The following ZNF337 variants were observed in gnomAD, a reference collection of about 807,000 sequenced individuals.
The protein encoded by ZNF337 is zinc finger protein 337.
A neutral mutation model predicts 12.1 loss-of-function variants in ZNF337; 8 were observed. The ratio of observed to expected loss-of-function variants is 0.66; its 90% CI spans 0.39 to 1.19. ZNF337 has a LOEUF of 1.19. Among genes scored for constraint, ZNF337 ranks in the 50% most tolerant of loss-of-function variants. The pLI, the probability that ZNF337 is intolerant of heterozygous loss-of-function variation, is 0.01. For synonymous variants in ZNF337, 336 were observed against 320.0 expected, an observed-to-expected ratio of 1.05 and a Z score of -0.53; for missense variants, 882 against 896.6, an observed-to-expected ratio of 0.98 and a Z score of 0.21.
Position 25,686,445 on chromosome 20 carries a change from G to A in ZNF337, c.-28C>T, listed in dbSNP as rs2065834477. ...CTGTCTTCCTGCTCTCCACGGAGAAGGGAAGCTTGCAGATGGCCAATCTGT... is the reference window on the plus strand; with the variant it reads ...CTGTCTTCCTGCTCTCCACGGAGAAAGGAAGCTTGCAGATGGCCAATCTGT... On this transcript the variant is annotated 5_prime_UTR_variant, in exon 2 of 5. Coordinates refer to ENST00000252979, the MANE Select transcript of ZNF337 (RefSeq NM_015655.4). 6.2e-7 allele frequency: 1 copy of A among 1,613,606 alleles called. No individual in the cohort carries two copies. The highest frequency in any genetic ancestry group is 1.3e-5 in the African/African-American group (1 of 75,052).
intron 4 of ZNF337, among the ~76,000 whole-genome samples, chr20:25,678,452 C>G (rs2122370458): frequency 6.6e-6 from 1 of 152,256 alleles, no homozygotes; most frequent in Non-Finnish European, 1.5e-5. Context: ...AAGCAATCTA[C>G]AGATTCACTG....
chr20:25,673,227 GCA>G lies in ZNF337; in HGVS notation c.*1803_*1804del, dbSNP rs2065637108. Among the ~76,000 whole-genome samples the G allele has an allele frequency of 6.6e-6, 1 of 152,178 alleles. No homozygotes were observed. Among genetic ancestry groups the G allele is most frequent in the Admixed American group, 6.5e-5 (1 of 15,282 alleles). On this transcript the variant is annotated 3_prime_UTR_variant, in exon 5 of 5. Transcript: ENST00000252979. Reference sequence around the variant, plus strand: ...TAAATGTGTTTAATATGGAAGAGGAGCACAGAATTCTGGTGAACCCACAATGT... The same window carrying G: ...TAAATGTGTTTAATATGGAAGAGGAGCAGAATTCTGGTGAACCCACAATGT...
chr20:25,696,804 G>A lies in ZNF337; in HGVS notation c.-95C>T. 1 of 985,536 alleles carries A rather than the reference G, an allele frequency of 1.0e-6. No individual in the cohort carries two copies. The highest frequency in any genetic ancestry group is 1.2e-6 in the Non-Finnish European group (1 of 829,990). The allele number at this position is 985,536 out of a possible 1,614,324, so 61.0% of individuals were successfully genotyped here. On this transcript the variant is annotated 5_prime_UTR_variant, in exon 1 of 5. Coordinates refer to ENST00000252979, the MANE Select transcript of ZNF337 (RefSeq NM_015655.4). ...CGAGGCGGTGAGGTCACCGATGGTG[G>A]ACCACGCATCTCACGGCTCGCTGAC...
At chr20:25,684,977 G>C (rs567429001) in intron 4 of ZNF337, among the ~76,000 whole-genome samples, 184 of 151,992 alleles carry the variant, frequency 1.2e-3, no homozygotes, top group Admixed American at 3.5e-3. Context: ...GGCATGTTGG[G>C]GGGTAGGGGG....
chr20:25,683,980 T>A (rs1026412470), intron 4 of ZNF337, among the ~76,000 whole-genome samples: 2 of 151,812 alleles, frequency 1.3e-5, no homozygotes, highest in African/African-American at 4.8e-5. Context: ...TAGACTGGAT[T>A]AAGAAAATGT....
At chr20:25,687,497 G>A (rs1012175572) in intron 1 of ZNF337, among the ~76,000 whole-genome samples, 3 of 152,160 alleles carry the variant, frequency 2.0e-5, no homozygotes, top group African/African-American at 7.2e-5. Context: ...AAGGAACAAA[G>A]ATGCTATCAT....
Position 25,676,044 on chromosome 20 carries a change from T to C in ZNF337, c.1244A>G (p.Gln415Arg), listed in dbSNP as rs759061959. 3 of 1,613,950 alleles carry C rather than the reference T, an allele frequency of 1.9e-6. No individual in the cohort carries two copies. Among genetic ancestry groups the C allele is most frequent in the East Asian group, 2.2e-5 (1 of 44,834 alleles). Residue 415 changes from glutamine to arginine, a missense_variant, in exon 5 of 5, where the codon CAA (glutamine) becomes CGA (arginine). Physicochemically the swap from Gln to Arg is conservative, Grantham distance 43. Coordinates refer to ENST00000252979, the MANE Select transcript of ZNF337 (RefSeq NM_015655.4). The part of the protein sequence containing the change: ...VCKDCERSFS[Q>R]KSTLVYHQRT... ...CTGGTGGTAGACAAGAGTTGACTTT[T>C]GGCTAAAGCTTCGCTCACAATCCTT...
At chr20:25,682,935 CGAG>C (rs2065784819) in intron 4 of ZNF337, among the ~76,000 whole-genome samples, 1 of 152,056 alleles carries the variant, frequency 6.6e-6, no homozygotes, top group South Asian at 2.1e-4. Flanking sequence ...TCCAAGTACT[CGAG>C]GAGAACTGCA....
In ZNF337 at chr20:25,688,379, A is replaced by T. The variant is rs190722820; in HGVS notation, c.-49-1913T>A. Among the ~76,000 whole-genome samples the T allele has an allele frequency of 3.5e-3, 531 of 151,836 alleles. 3 individuals carry two copies. The highest frequency in any genetic ancestry group is 0.012 in the African/African-American group (490 of 41,412). On this transcript the variant is annotated intron_variant, in intron 1 of 4. Transcript: ENST00000252979. The stretch of plus-strand genomic sequence containing the variant: ...TACTCACATCTTCTGTGAATAAAAA[A>T]TTTTTTTTTCTGTTTCAACGTTTAT...
intron 1 of ZNF337, among the ~76,000 whole-genome samples, chr20:25,688,975 A>G (rs1382629167): frequency 1.3e-5 from 2 of 151,976 alleles, no homozygotes. Flanking sequence ...TGAAAATACA[A>G]AAAAATACAA....
At chr20:25,695,632 C>G (rs932118762) in intron 1 of ZNF337, among the ~76,000 whole-genome samples, 1 of 152,214 alleles carries the variant, frequency 6.6e-6, no homozygotes, top group Non-Finnish European at 1.5e-5. Context: ...CTGGTTACAG[C>G]CTCCACCTCC....
At position 25,675,128 on chromosome 20, in the gene ZNF337, T is replaced by G. The variant is rs1439621546; in HGVS notation, c.2160A>C (p.Arg720=). The G allele has an allele frequency of 1.2e-6, 2 of 1,614,196 alleles. No homozygotes were observed. The highest frequency in any genetic ancestry group is 1.7e-5 in the Admixed American group (1 of 60,022). The change falls in exon 5 of 5, where the codon CGA becomes CGC. Residue 720 remains arginine (R), a synonymous_variant. Coordinates refer to ENST00000252979, the MANE Select transcript of ZNF337 (RefSeq NM_015655.4). ...ERPYECQECG[R]KFSNKSYYSK... is the part of the protein sequence containing the mutation. ...TGTAGTATGACTTATTGCTAAACTTTCGTCCACACTCTTGGCATTCATAAG... is the reference window on the plus strand; with the variant it reads ...TGTAGTATGACTTATTGCTAAACTTGCGTCCACACTCTTGGCATTCATAAG...
At chr20:25,696,054 A>C (rs1335663567) in intron 1 of ZNF337, among the ~76,000 whole-genome samples, 31 of 85,036 alleles carry the variant, frequency 3.6e-4, no homozygotes, top group East Asian at 5.6e-4. Flanking sequence ...CCCCACAGCC[A>C]CCTCACCTCC....
rs1021145070 is a variant in ZNF337 at position 25,673,347 on chromosome 20, G to A, written c.*1685C>T. Among the ~76,000 whole-genome samples the A allele has an allele frequency of 1.3e-5, 2 of 152,212 alleles. No individual in the cohort carries two copies. Among genetic ancestry groups the A allele is most frequent in the South Asian group, 4.1e-4 (2 of 4,826 alleles). The stretch of plus-strand genomic sequence containing the variant: ...TTACAAAAGGATAGGCATATTGCAT[G>A]TATCTTCCCTGTGCTGGACAAGGGT... On this transcript the variant is annotated 3_prime_UTR_variant, in exon 5 of 5. Transcript: ENST00000252979.
chr20:25,696,185 G>A (rs1390958618), intron 1 of ZNF337, among the ~76,000 whole-genome samples: 1 of 151,344 alleles, frequency 6.6e-6, no homozygotes, highest in Non-Finnish European at 1.5e-5. Context: ...CCCAAGGCGG[G>A]GTGCTCCCAA....
At position 25,675,371 on chromosome 20, in the gene ZNF337, C is replaced by G; in HGVS notation, c.1917G>C (p.Trp639Cys). 2 of 1,613,236 alleles carry G rather than the reference C, an allele frequency of 1.2e-6. No homozygotes were observed. Among genetic ancestry groups the G allele is most frequent in the Middle Eastern group, 1.7e-4 (1 of 6,060 alleles). ...VCKECGRGFN[W>C]KGNLLTHQRT... ...TCTGGTGTGTGAGGAGATTTCCCTT[C>G]CAGTTGAAGCCTCGCCCACACTCCT... is the stretch of plus-strand genomic sequence containing the variant. The change falls in exon 5 of 5, where the codon TGG becomes TGC. Residue 639 changes from tryptophan to cysteine, a missense_variant. Coordinates refer to ENST00000252979, the MANE Select transcript of ZNF337 (RefSeq NM_015655.4).
rs1569004086 is a variant in ZNF337, at chr20:25,675,359, G to A, written c.1929C>T (p.Leu643=). ...CTGAGTGTGTCCTCTGGTGTGTGAG[G>A]AGATTTCCCTTCCAGTTGAAGCCTC... ...CGRGFNWKGN[L]LTHQRTHSGE... is the part of the protein sequence containing the mutation. Residue 643 remains leucine (L), a synonymous_variant, in exon 5 of 5, where the codon CTC becomes CTT. Transcript: ENST00000252979. 1.9e-6 allele frequency: 3 copies of A among 1,613,700 alleles called. No individual in the cohort carries two copies. Among genetic ancestry groups the A allele is most frequent in the East Asian group, 2.2e-5 (1 of 44,862 alleles).
At chr20:25,684,749 G>C (rs532361838) in intron 4 of ZNF337, among the ~76,000 whole-genome samples, 3 of 152,244 alleles carry the variant, frequency 2.0e-5, no homozygotes, top group Non-Finnish European at 4.4e-5. Flanking sequence ...TGATAGACTG[G>C]ATAAAGAAAA....
At chr20:25,678,737 G>C (rs922911542) in intron 4 of ZNF337, among the ~76,000 whole-genome samples, 1 of 152,042 alleles carries the variant, frequency 6.6e-6, no homozygotes, top group Non-Finnish European at 1.5e-5. Flanking sequence ...CTTGAGGCTA[G>C]GAGTTCGAGT....
Sources: allele counts gnomAD v4.1 joint callset (sites outside exome capture counted in the v4.1 genomes callset), GRCh38; gene constraint gnomAD v4.1.1; transcripts MANE v1.5; gene names NCBI Gene and HGNC (gene_info 2026-07-23, HGNC 2026-07-21).